The following C1orf53 variants were observed in gnomAD, a reference collection of about 807,000 sequenced individuals.
C1orf53 encodes chromosome 1 open reading frame 53.
C1orf53 carries 23 observed loss-of-function variants against 17.5 expected under a neutral mutation model. The ratio of observed to expected loss-of-function variants is 1.31; its 90% confidence interval spans 0.94 to 1.86. The LOEUF (loss-of-function observed/expected upper bound fraction) is 1.86. C1orf53 is among the 40% of genes most tolerant of loss of function. The probability of loss-of-function intolerance (pLI) is 0.00; values close to 1 mark genes in which losing one functional copy is unlikely to be tolerated. For missense variants in C1orf53, 255 were observed against 193.2 expected (o/e 1.32, Z -1.89); for synonymous variants, 108 against 81.9 (o/e 1.32, Z -1.72).
chr1:197,904,981 G>A (rs950536417), intron 1 of C1orf53, among the ~76,000 whole-genome samples: 1 of 152,132 alleles, frequency 6.6e-6, no homozygotes, highest in Admixed American at 6.5e-5. Flanking sequence ...GTCCATGGGA[G>A]TTCCTCTACA....
At chr1:197,903,656 A>T (rs1659474953) in intron 1 of C1orf53, among the ~76,000 whole-genome samples, 1 of 152,212 alleles carries the variant, frequency 6.6e-6, no homozygotes, top group Non-Finnish European at 1.5e-5. Context: ...TTAATAAGCT[A>T]TGTGTGTGTG....
At chr1:197,905,368 A>G (rs1659506784) in intron 1 of C1orf53, 1 of 153,160 alleles carries the variant, frequency 6.5e-6, no homozygotes. Context: ...CTTTTCTGTA[A>G]GTTTAAATCA....
In C1orf53 at chr1:197,902,749, C is replaced by T. The variant is rs1303660188; in HGVS notation, c.100C>T (p.Arg34Ter). 1.3e-6 allele frequency: 2 copies of T among 1,572,028 alleles called. No individual in the cohort carries two copies. Among genetic ancestry groups the T allele is most frequent in the Admixed American group, 1.8e-5 (1 of 56,488 alleles). The change falls in exon 1 of 3, where the codon CGA becomes TGA. Residue 34 changes from arginine to a stop codon, truncating the protein, a stop_gained. Coordinates refer to ENST00000367393, the MANE Select transcript of C1orf53 (RefSeq NM_001024594.3). LOFTEE classifies it high-confidence loss of function. Reference sequence around the variant, plus strand: ...ACCTCTCTGGGTAAGAGCTGGGTTCCGACAGCAGCTCAGCTTAACCCTCTG... The same window carrying T: ...ACCTCTCTGGGTAAGAGCTGGGTTCTGACAGCAGCTCAGCTTAACCCTCTG... ...PAPLWVRAGF[R>*]QQLSLTLCPA...
At chr1:197,902,935 C>T (rs1396269258) in intron 1 of C1orf53, 22 bp downstream of exon 1, 11 of 1,348,662 alleles carry the variant, frequency 8.2e-6, no homozygotes, top group Non-Finnish European at 1.0e-5. Context: ...TCCTGCCCGC[C>T]CCGCCCCGCC....
At chr1:197,906,539 C>A (rs1229452726) in intron 2 of C1orf53, among the ~76,000 whole-genome samples, 1 of 152,024 alleles carries the variant, frequency 6.6e-6, no homozygotes, top group African/African-American at 2.4e-5. Flanking sequence ...TCAATAGATA[C>A]CTCTCTATGT....
chr1:197,906,605 G>T (rs1659527126), intron 2 of C1orf53, among the ~76,000 whole-genome samples: 1 of 152,094 alleles, frequency 6.6e-6, no homozygotes, highest in South Asian at 2.1e-4. Flanking sequence ...AAAATAAATG[G>T]GAATGAATCC....
In C1orf53 at chr1:197,905,796, G is replaced by A. The variant is rs536041809; in HGVS notation, c.265G>A (p.Ala89Thr). ...ATTGTTTCATTTTATTGCACTTCAG[G>A]CTGGCCAGCTAAACTATGTGGATCC... is the stretch of plus-strand genomic sequence containing the variant. ...IAELHAAACA[A>T]GQLNYVDPAT... Residue 89 changes from alanine (A) to threonine (T), a missense_variant and splice_region_variant, in exon 2 of 3, where the codon GCT becomes ACT. Coordinates refer to ENST00000367393, the MANE Select transcript of C1orf53 (RefSeq NM_001024594.3). The A allele has an allele frequency of 1.9e-6, 3 of 1,607,594 alleles. No homozygotes were observed. Among genetic ancestry groups the A allele is most frequent in the East Asian group, 2.2e-5 (1 of 44,828 alleles).
intron 1 of C1orf53, among the ~76,000 whole-genome samples, chr1:197,904,981 G>T (rs950536417): frequency 1.3e-5 from 2 of 152,132 alleles, no homozygotes; most frequent in African/African-American, 4.8e-5. Context: ...GTCCATGGGA[G>T]TTCCTCTACA....
intron 1 of C1orf53, 55 bp from the exon 2 acceptor site, chr1:197,905,741 A>G: frequency 8.5e-7 from 1 of 1,181,076 alleles, no homozygotes; most frequent in Non-Finnish European, 1.3e-6. Context: ...CATTATGGTG[A>G]AGAGATATGA....
rs1659535913 is a variant in C1orf53 at position 197,907,274 on chromosome 1, C to A, written c.*54C>A. 2 of 1,031,282 alleles carry A rather than the reference C, an allele frequency of 1.9e-6. No individual in the cohort carries two copies. Among genetic ancestry groups the A allele is most frequent in the South Asian group, 1.5e-5 (1 of 67,710 alleles). The allele number at this position is 1,031,282 out of a possible 1,614,324, so 63.9% of individuals were successfully genotyped here. A position where few individuals can be genotyped will look rare whatever the true frequency, so the allele number is the denominator to read the frequency against. On this transcript the variant is annotated 3_prime_UTR_variant, in exon 3 of 3. Coordinates refer to ENST00000367393, the MANE Select transcript of C1orf53 (RefSeq NM_001024594.3). ...TGCTTGTATTTTTTAAAAAATAAAG[C>A]CCCAATTCAGAATTGCTGGATTATT...
Position 197,902,869 on chromosome 1 carries a change from G to T in C1orf53, c.220G>T (p.Ala74Ser), listed in dbSNP as rs750909839. Residue 74 changes from alanine to serine, a missense_variant, in exon 1 of 3, where the codon GCG becomes TCG. Ala to Ser is a moderately conservative substitution (Grantham distance 99, BLOSUM62 1). Transcript: ENST00000367393. ...ARPSVSEELT[A>S]AERQIAELHA... ...GCCTTCGGTGAGCGAAGAGTTAACC[G>T]CGGCGGAGCGACAGATCGCGGAGCT... 1 of 1,520,564 alleles carries T rather than the reference G, an allele frequency of 6.6e-7. No homozygotes were observed. The highest frequency in any genetic ancestry group is 1.2e-5 in the South Asian group (1 of 81,488). The allele number at this position is 1,520,564 out of a possible 1,614,324, so 94.2% of individuals were successfully genotyped here.
At position 197,907,205 on chromosome 1, in the gene C1orf53, A is replaced by G. The variant is rs373637683; in HGVS notation, c.423A>G (p.Ser141=). Residue 141 remains serine (S), a synonymous_variant, in exon 3 of 3, where the codon TCA becomes TCG. Coordinates refer to ENST00000367393, the MANE Select transcript of C1orf53 (RefSeq NM_001024594.3). The stretch of plus-strand genomic sequence containing the variant: ...CATCTAAAAAGAAGCAATTCAATTC[A>G]TATTTTTATGTTTGACAAGAATTTC... ...KDPSKKKQFN[S]YFYV The G allele has an allele frequency of 5.7e-6, 9 of 1,577,406 alleles. No individual in the cohort carries two copies. The South Asian group carries it at 1.0e-4, about 18-fold the overall frequency.
At position 197,902,923 on chromosome 1, in the gene C1orf53, C is replaced by T. The variant is rs761330755; in HGVS notation, c.264+10C>T. On this transcript the variant is annotated intron_variant, in intron 1 of 2. Coordinates refer to ENST00000367393, the MANE Select transcript of C1orf53 (RefSeq NM_001024594.3). ...CGCTGCCGCCTGCGCGGTGAGACTC[C>T]CTCCTGCCCGCCCCGCCCCGCCGCG... The T allele has an allele frequency of 1.7e-5, 23 of 1,384,440 alleles. No homozygotes were observed. The African/African-American group carries it at 2.9e-4, about 17-fold the overall frequency. The allele number at this position is 1,384,440 out of a possible 1,614,324, so 85.8% of individuals were successfully genotyped here. A position where few individuals can be genotyped will look rare whatever the true frequency, so the allele number is the denominator to read the frequency against.
chr1:197,902,723 C>T lies in C1orf53; in HGVS notation c.74C>T (p.Ala25Val), dbSNP rs1160952049. Residue 25 changes from alanine (A) to valine (V), a missense_variant, in exon 1 of 3, where the codon GCA (alanine) becomes GTA (valine). Transcript: ENST00000367393. ...CRQPSAAPPPAPLWVRAGFRQ... is the reference protein window; with the variant it reads ...CRQPSAAPPPVPLWVRAGFRQ... ...CAACCTTCCGCCGCCCCGCCGCCAG[C>T]ACCTCTCTGGGTAAGAGCTGGGTTC... 3 of 1,552,404 alleles carry T rather than the reference C, an allele frequency of 1.9e-6. No homozygotes were observed. Among genetic ancestry groups the T allele is most frequent in the East Asian group, 2.5e-5 (1 of 39,758 alleles).
chr1:197,902,727 T>G lies in C1orf53; in HGVS notation c.78T>G (p.Pro26=). The change falls in exon 1 of 3, where the codon CCT becomes CCG. Residue 26 remains proline (P), a synonymous_variant. Coordinates refer to ENST00000367393, the MANE Select transcript of C1orf53 (RefSeq NM_001024594.3). ...CTTCCGCCGCCCCGCCGCCAGCACC[T>G]CTCTGGGTAAGAGCTGGGTTCCGAC... ...RQPSAAPPPA[P]LWVRAGFRQQ... is the part of the protein sequence containing the mutation. 4 of 1,556,282 alleles carry G rather than the reference T, an allele frequency of 2.6e-6. No individual in the cohort carries two copies. The highest frequency in any genetic ancestry group is 1.2e-5 in the South Asian group (1 of 84,560).
At chr1:197,903,263 G>A (rs987840877) in intron 1 of C1orf53, among the ~76,000 whole-genome samples, 1 of 152,196 alleles carries the variant, frequency 6.6e-6, no homozygotes, top group African/African-American at 2.4e-5. Flanking sequence ...TGGAGGGACT[G>A]AGAAGTCACA....
chr1:197,902,902 G>GCCGCCTGCGCGGTGAGACTC lies in C1orf53; in HGVS notation c.256_264+11dup, dbSNP rs752299063. ...GCGACAGATCGCGGAGCTGCACGCT[G>GCCGCCTGCGCGGTGAGACTC]CCGCCTGCGCGGTGAGACTCCCTCC... On this transcript the variant is annotated frameshift_variant, in exon 1 of 3. Transcript: ENST00000367393. LOFTEE classifies it high-confidence loss of function. 1.4e-5 allele frequency: 20 copies of GCCGCCTGCGCGGTGAGACTC among 1,471,526 alleles called. 1 individual carries two copies. In the South Asian group the frequency reaches 2.3e-4, roughly 17 times the overall value. The allele number at this position is 1,471,526 out of a possible 1,614,324, so 91.2% of individuals were successfully genotyped here.
chr1:197,905,971 C>A, intron 2 of C1orf53, 74 bp downstream of exon 2: 1 of 1,119,602 alleles, frequency 8.9e-7, no homozygotes, highest in Non-Finnish European at 1.4e-6. Context: ...ATTATTTGAA[C>A]AACAAGTCAA....
At position 197,902,843 on chromosome 1, in the gene C1orf53, G is replaced by C; in HGVS notation, c.194G>C (p.Arg65Thr). ...CCCGGTAGGCCGGAGAGAGCGGCGA[G>C]GCCTTCGGTGAGCGAAGAGTTAACC... The part of the protein sequence containing the change: ...STPGRPERAA[R>T]PSVSEELTAA... Residue 65 changes from arginine to threonine, a missense_variant, in exon 1 of 3, where the codon AGG (arginine) becomes ACG (threonine). Transcript: ENST00000367393. 6.4e-7 allele frequency: 1 copy of C among 1,553,638 alleles called. No individual in the cohort carries two copies. The highest frequency in any genetic ancestry group is 8.6e-7 in the Non-Finnish European group (1 of 1,157,200).
Sources: allele counts gnomAD v4.1 joint callset (sites outside exome capture counted in the v4.1 genomes callset), GRCh38; gene constraint gnomAD v4.1.1; transcripts MANE v1.5; gene names NCBI Gene and HGNC (gene_info 2026-07-23, HGNC 2026-07-21).